The following ANXA4 variants were observed in gnomAD, a reference collection of about 807,000 sequenced individuals.
ANXA4 encodes the protein annexin A4.
ANXA4 carries 39 observed loss-of-function variants against 49.8 expected under a neutral mutation model. The ratio of observed to expected loss-of-function variants is 0.78; its 90% CI spans 0.61 to 1.02. The LOEUF (loss-of-function observed/expected upper bound fraction) is 1.02, where lower values mean the gene tolerates loss of function less well. Ranked by LOEUF, ANXA4 falls within the 50% of genes least tolerant of loss-of-function variation. The pLI, the probability that ANXA4 is intolerant of heterozygous loss-of-function variation, is 0.00. For missense variants in ANXA4, 360 were observed against 410.1 expected, an observed-to-expected ratio of 0.88 and a Z score of 1.05; for synonymous variants, 134 against 152.5, an observed-to-expected ratio of 0.88 and a Z score of 0.89.
intron 1 of ANXA4, among the ~76,000 whole-genome samples, chr2:69,768,250 T>C (rs1300562507): frequency 6.6e-6 from 1 of 152,202 alleles, no homozygotes. Context: ...TCAGTACAAC[T>C]AGCTCAATAA....
intron 2 of ANXA4, among the ~76,000 whole-genome samples, chr2:69,658,270 C>G (rs577975612): frequency 1.3e-5 from 2 of 151,972 alleles, no homozygotes; most frequent in South Asian, 4.2e-4. Context: ...CGTGGTGGCA[C>G]ACTCCCGTAA....
At chr2:69,713,226 GC>G (rs1200226878) in intron 2 of ANXA4, among the ~76,000 whole-genome samples, 2 of 152,046 alleles carry the variant, frequency 1.3e-5, no homozygotes, top group Non-Finnish European at 2.9e-5. Flanking sequence ...GGTAGAGGGA[GC>G]CCCTCTATCT....
intron 1 of ANXA4, among the ~76,000 whole-genome samples, chr2:69,774,676 C>A (rs1377259930): frequency 6.6e-6 from 1 of 152,126 alleles, no homozygotes; most frequent in East Asian, 1.9e-4. Flanking sequence ...TTACCATGAC[C>A]TGGGTAACAG....
At chr2:69,778,174 G>A (rs566281392) in intron 1 of ANXA4, among the ~76,000 whole-genome samples, 6 of 152,266 alleles carry the variant, frequency 3.9e-5, no homozygotes, top group East Asian at 1.9e-4. Flanking sequence ...GTGGTTTGCC[G>A]ACCCTTGCTC....
At chr2:69,727,706 C>A (rs1425068020) in intron 3 of ANXA4, among the ~76,000 whole-genome samples, 1 of 152,216 alleles carries the variant, frequency 6.6e-6, no homozygotes, top group African/African-American at 2.4e-5. Context: ...GTGTTTCCTT[C>A]ATCTGGCTTG....
At chr2:69,785,152 A>T (rs1672362435) in intron 2 of ANXA4, among the ~76,000 whole-genome samples, 1 of 152,160 alleles carries the variant, frequency 6.6e-6, no homozygotes, top group Non-Finnish European at 1.5e-5. Context: ...CCAAATGCTT[A>T]CCATATCCAG....
intron 3 of ANXA4, among the ~76,000 whole-genome samples, chr2:69,796,998 G>A (rs985160768): frequency 7.2e-6 from 1 of 138,928 alleles, no homozygotes; most frequent in African/African-American, 2.6e-5. Context: ...TCTAATTGAT[G>A]GATAAGATTA....
chr2:69,645,708 T>A (rs966548340), intron 1 of ANXA4, among the ~76,000 whole-genome samples: 21 of 152,174 alleles, frequency 1.4e-4, no homozygotes, highest in Non-Finnish European at 2.6e-4. Context: ...AATGCTCTGA[T>A]CAGAAGCTGA....
At chr2:69,815,902 A>AG (rs1343330061) in intron 8 of ANXA4, 199 bp from the exon 9 acceptor site, 5 of 559,234 alleles carry the variant, frequency 8.9e-6, no homozygotes, top group East Asian at 2.9e-5. Flanking sequence ...CCTGACTCCC[A>AG]GGGGGGTATG....
chr2:69,664,321 TA>T (rs2105329679), intron 2 of ANXA4, among the ~76,000 whole-genome samples: 2 of 152,300 alleles, frequency 1.3e-5, no homozygotes, highest in South Asian at 4.1e-4. Context: ...AATAAGGACA[TA>T]AATCAAGAAA....
chr2:69,752,614 CCTT>C (rs1196779271), intron 1 of ANXA4, among the ~76,000 whole-genome samples: 1 of 152,216 alleles, frequency 6.6e-6, no homozygotes. Context: ...AATGTTCACA[CCTT>C]ATTATATCTG....
intron 1 of ANXA4, among the ~76,000 whole-genome samples, chr2:69,647,541 G>A (rs4538229): frequency 7.5e-4 from 114 of 151,344 alleles, no homozygotes; most frequent in African/African-American, 2.6e-3. Flanking sequence ...CCCGAGTAGC[G>A]GGGACTACAG....
At chr2:69,784,282 C>T (rs573326950) in intron 2 of ANXA4, among the ~76,000 whole-genome samples, 16 of 151,956 alleles carry the variant, frequency 1.1e-4, no homozygotes, top group Non-Finnish European at 1.5e-5. Flanking sequence ...ATTAAGAATG[C>T]TAACTGATAA....
At chr2:69,812,499 C>G (rs904316875) in intron 7 of ANXA4, among the ~76,000 whole-genome samples, 154 bp from the exon 8 acceptor site, 5 of 152,150 alleles carry the variant, frequency 3.3e-5, no homozygotes, top group African/African-American at 9.7e-5. Flanking sequence ...ATAATGCGAG[C>G]GCATTTAGAG....
chr2:69,732,158 TA>T (rs1239411349), intron 3 of ANXA4, among the ~76,000 whole-genome samples: 1 of 151,596 alleles, frequency 6.6e-6, no homozygotes, highest in East Asian at 2.0e-4. Flanking sequence ...TTTGTATTTT[TA>T]GTAAAGATGG....
intron 1 of ANXA4, among the ~76,000 whole-genome samples, chr2:69,775,965 A>T (rs969457253): frequency 4.0e-5 from 6 of 148,336 alleles, no homozygotes; most frequent in African/African-American, 7.5e-5. Context: ...TTTTTATTTT[A>T]TTTATTTATT....
At chr2:69,793,680 G>A (rs933086897) in intron 3 of ANXA4, among the ~76,000 whole-genome samples, 1 of 152,130 alleles carries the variant, frequency 6.6e-6, no homozygotes, top group Non-Finnish European at 1.5e-5. Context: ...AGACAAAGAC[G>A]ATTTTGAGAG....
intron 1 of ANXA4, among the ~76,000 whole-genome samples, chr2:69,748,390 GA>G (rs776657477): frequency 1.4e-3 from 181 of 130,422 alleles, no homozygotes; most frequent in Middle Eastern, 7.8e-3. Context: ...CTCAAAAAAA[GA>G]AAAAAAAAAA....
intron 3 of ANXA4, among the ~76,000 whole-genome samples, chr2:69,792,237 G>T (rs116006663): frequency 3.4e-3 from 517 of 152,182 alleles, no homozygotes; most frequent in African/African-American, 0.012. Flanking sequence ...TTTTGTTTTT[G>T]CCAAAATGTT....
Sources: allele counts gnomAD v4.1 joint callset (sites outside exome capture counted in the v4.1 genomes callset), GRCh38; gene constraint gnomAD v4.1.1; transcripts MANE v1.5; gene names NCBI Gene and HGNC (gene_info 2026-07-23, HGNC 2026-07-21).